The following ZBTB20 variants were observed in gnomAD, a reference collection of about 807,000 sequenced individuals.
ZBTB20 encodes zinc finger and BTB domain containing 20, also known as zinc finger and BTB domain-containing protein 20.
Under a neutral mutation model 56.9 loss-of-function variants are expected in ZBTB20, and 9 were observed. The ratio of observed to expected loss-of-function variants is 0.16; its 90% confidence interval spans 0.10 to 0.28. ZBTB20 has a LOEUF of 0.28. Among genes scored for constraint, ZBTB20 ranks in the 10% least tolerant of loss-of-function variants. The probability of loss-of-function intolerance (pLI) is 1.00; values close to 1 mark genes in which losing one functional copy is unlikely to be tolerated. For synonymous variants in ZBTB20, 417 were observed against 420.7 expected, an observed-to-expected ratio of 0.99 and a Z score of 0.11; for missense variants, 655 against 1,003.0, an observed-to-expected ratio of 0.65 and a Z score of 4.69.
intron 1 of ZBTB20, among the ~76,000 whole-genome samples, chr3:115,093,438 G>A (rs1004124975): frequency 2.0e-5 from 3 of 152,132 alleles, no homozygotes; most frequent in African/African-American, 7.2e-5. Flanking sequence ...GGGAATAGGT[G>A]GATGTGTTGG....
chr3:114,841,902 A>G lies in ZBTB20; in HGVS notation c.-416-40728T>C, dbSNP rs527899008. Among the ~76,000 whole-genome samples the G allele has an allele frequency of 5.3e-5, 8 of 152,296 alleles. 1 individual carries two copies. In the South Asian group the frequency reaches 1.7e-3, roughly 32 times the overall value. On this transcript the variant is annotated intron_variant, in intron 4 of 11. Coordinates refer to ENST00000675478, the MANE Select transcript of ZBTB20 (RefSeq NM_001348800.3). ...ACTGCCCAATGTGAGGAGAGAGCCT[A>G]AGAGAGAGTTCAGAGAACATCAACT... is the stretch of plus-strand genomic sequence containing the variant.
rs561315804 is a variant in ZBTB20 at position 114,930,045 on chromosome 3, T to C, written c.-455-29703A>G. On this transcript the variant is annotated intron_variant, in intron 3 of 11. Coordinates refer to ENST00000675478, the MANE Select transcript of ZBTB20 (RefSeq NM_001348800.3). ...GAAGCTCGTTTCTTGCCAAAATCCA[T>C]ATGAATGCCAAATACCTTCCAAGCA... Among the ~76,000 whole-genome samples the C allele has an allele frequency of 3.8e-4, 58 of 152,326 alleles. 2 individuals are homozygous for C. In the South Asian group the frequency reaches 0.01, roughly 27 times the overall value.
intron 6 of ZBTB20, among the ~76,000 whole-genome samples, chr3:114,551,952 A>G (rs1010799913): frequency 3.3e-5 from 5 of 152,262 alleles, no homozygotes; most frequent in Admixed American, 6.5e-5. Context: ...GCTCACATCT[A>G]TAATCCCAGC....
intron 6 of ZBTB20, among the ~76,000 whole-genome samples, chr3:114,557,727 T>C (rs1295320712): frequency 2.0e-5 from 3 of 152,010 alleles, no homozygotes; most frequent in Non-Finnish European, 1.5e-5. Flanking sequence ...ACTGTCTAGA[T>C]ATATTTTCAC....
chr3:115,031,473 C>T (rs2080676395), intron 2 of ZBTB20, among the ~76,000 whole-genome samples: 2 of 151,300 alleles, frequency 1.3e-5, no homozygotes, highest in African/African-American at 4.8e-5. Flanking sequence ...GTCAATTTAC[C>T]ACCACATTGC....
intron 2 of ZBTB20, among the ~76,000 whole-genome samples, chr3:115,040,820 G>T (rs1198282499): frequency 6.6e-6 from 1 of 152,136 alleles, no homozygotes; most frequent in East Asian, 1.9e-4. Flanking sequence ...AAACATTTCA[G>T]GGGGAGTGGA....
chr3:114,789,802 T>C (rs1462357280), intron 5 of ZBTB20, among the ~76,000 whole-genome samples: 1 of 152,090 alleles, frequency 6.6e-6, no homozygotes, highest in African/African-American at 2.4e-5. Context: ...TCTGCGGAAG[T>C]CATGAGGTGA....
At chr3:114,856,926 G>A (rs1262686211) in intron 4 of ZBTB20, among the ~76,000 whole-genome samples, 2 of 152,084 alleles carry the variant, frequency 1.3e-5, no homozygotes, top group African/African-American at 2.4e-5. Context: ...AGAAGAGGAG[G>A]AAGAAAAGGC....
intron 6 of ZBTB20, among the ~76,000 whole-genome samples, chr3:114,651,039 C>T (rs778472510): frequency 6.6e-5 from 10 of 152,026 alleles, no homozygotes; most frequent in Non-Finnish European, 1.5e-4. Flanking sequence ...ACTTCAAAAG[C>T]ATACCACATG....
At chr3:115,136,299 T>C (rs1363377857) in intron 1 of ZBTB20, among the ~76,000 whole-genome samples, 1 of 152,050 alleles carries the variant, frequency 6.6e-6, no homozygotes, top group East Asian at 1.9e-4. Context: ...AATGCTAAAT[T>C]TGAACTCCAA....
At chr3:114,745,891 G>C (rs1222533277) in intron 5 of ZBTB20, among the ~76,000 whole-genome samples, 1 of 152,130 alleles carries the variant, frequency 6.6e-6, no homozygotes, top group Non-Finnish European at 1.5e-5. Context: ...CCAGGACAAG[G>C]AGGTCATTAA....
chr3:114,614,864 T>G (rs1051784415), intron 6 of ZBTB20, among the ~76,000 whole-genome samples: 3 of 152,122 alleles, frequency 2.0e-5, no homozygotes, highest in African/African-American at 7.2e-5. Flanking sequence ...TTCAAGCGAT[T>G]CTCCTGCCTT....
chr3:114,505,567 C>A (rs1577153603), intron 6 of ZBTB20, among the ~76,000 whole-genome samples: 1 of 152,102 alleles, frequency 6.6e-6, no homozygotes, highest in Non-Finnish European at 1.5e-5. Context: ...TATTTCCAAT[C>A]TTTTTTCCTT....
intron 1 of ZBTB20, among the ~76,000 whole-genome samples, chr3:115,134,781 T>C (rs528382736): frequency 1.3e-5 from 2 of 152,314 alleles, no homozygotes; most frequent in African/African-American, 4.8e-5. Context: ...CTTAAATGAA[T>C]TGCTATTTTT....
chr3:114,919,409 A>T (rs2075870188), intron 3 of ZBTB20, among the ~76,000 whole-genome samples: 1 of 152,182 alleles, frequency 6.6e-6, no homozygotes, highest in African/African-American at 2.4e-5. Flanking sequence ...AGAAAGAAAC[A>T]AAAGAACTAC....
chr3:114,362,008 T>C (rs978654138), intron 10 of ZBTB20, among the ~76,000 whole-genome samples: 3 of 152,196 alleles, frequency 2.0e-5, no homozygotes, highest in Non-Finnish European at 2.9e-5. Flanking sequence ...GAGACCATCA[T>C]GGACTAAGGA....
chr3:114,626,297 C>T (rs1443245532), intron 6 of ZBTB20, among the ~76,000 whole-genome samples: 1 of 152,192 alleles, frequency 6.6e-6, no homozygotes, highest in African/African-American at 2.4e-5. Flanking sequence ...AATGAGCTTT[C>T]TAGCCTCAGT....
chr3:114,838,043 TAGG>T (rs2074204686), intron 4 of ZBTB20, among the ~76,000 whole-genome samples: 1 of 152,104 alleles, frequency 6.6e-6, no homozygotes, highest in Non-Finnish European at 1.5e-5. Flanking sequence ...AAGGTTTCAT[TAGG>T]ATGTGTAAGC....
chr3:114,697,953 A>G (rs1443959195), intron 5 of ZBTB20, among the ~76,000 whole-genome samples: 1 of 152,090 alleles, frequency 6.6e-6, no homozygotes, highest in Non-Finnish European at 1.5e-5. Context: ...CCTATTTCTA[A>G]TAAGGATTAC....
Sources: gnomAD v4.1 joint callset for allele counts (sites outside exome capture counted in the v4.1 genomes callset) on GRCh38, gnomAD v4.1.1 for gene constraint, MANE v1.5 for transcripts, NCBI Gene and HGNC (gene_info 2026-07-23, HGNC 2026-07-21) for gene names.